Variants in COL17A1 observed in about 807,000 individuals in gnomAD.
COL17A1 encodes collagen alpha-1(XVII) chain.
Under a neutral mutation model 218.4 loss-of-function variants are expected in COL17A1, and 181 were observed. The ratio of observed to expected loss-of-function variants is 0.83; its 90% CI spans 0.73 to 0.94. The LOEUF (loss-of-function observed/expected upper bound fraction) is 0.94, where lower values mean the gene tolerates loss of function less well. Ranked by LOEUF, COL17A1 falls within the 40% of genes least tolerant of loss-of-function variation. The pLI, the probability that COL17A1 is intolerant of heterozygous loss-of-function variation, is 0.00. For synonymous variants in COL17A1, 721 were observed against 731.0 expected (o/e 0.99, Z 0.22); for missense variants, 1,924 against 1,945.9 (o/e 0.99, Z 0.21).
At chr10:104,083,137 T>C (rs2086779249) in intron 1 of COL17A1, among the ~76,000 whole-genome samples, 1 of 152,228 alleles carries the variant, frequency 6.6e-6, no homozygotes, top group African/African-American at 2.4e-5. Context: ...TGGAGAGTGA[T>C]GGCGTGGGGC....
intron 27 of COL17A1, 104 bp downstream of exon 27, chr10:104,050,517 G>C: frequency 1.9e-6 from 3 of 1,582,120 alleles, no homozygotes; most frequent in Non-Finnish European, 2.6e-6. Flanking sequence ...ATGAGATCTT[G>C]GTCCAGGTCC....
At chr10:104,078,688 G>T (rs773067487) in intron 2 of COL17A1, 102 bp from the exon 3 acceptor site, 5 of 1,495,596 alleles carry the variant, frequency 3.3e-6, no homozygotes, top group Non-Finnish European at 4.6e-6. Context: ...TATTAAATTA[G>T]GTTCGACATT....
intron 13 of COL17A1, among the ~76,000 whole-genome samples, chr10:104,060,497 G>A (rs1370772948): frequency 6.6e-6 from 1 of 152,184 alleles, no homozygotes; most frequent in Non-Finnish European, 1.5e-5. Context: ...GCCACCAAGA[G>A]TTTGGGTCAA....
chr10:104,052,349 G>T, intron 23 of COL17A1, 132 bp from the exon 24 acceptor site: 1 of 1,177,358 alleles, frequency 8.5e-7, no homozygotes, highest in South Asian at 1.3e-5. Flanking sequence ...GCCCCAGTGA[G>T]GCCACTTATC....
intron 41 of COL17A1, 36 bp downstream of exon 41, chr10:104,039,936 CT>C (rs2086341517): frequency 8.7e-6 from 14 of 1,614,138 alleles, no homozygotes; most frequent in Non-Finnish European, 9.3e-6. Context: ...ATCCCCACCC[CT>C]ACCCCAGGTT....
At chr10:104,073,150 A>C (rs2086681990) in intron 7 of COL17A1, 60 bp downstream of exon 7, 1 of 1,516,822 alleles carries the variant, frequency 6.6e-7, no homozygotes, top group East Asian at 2.3e-5. Flanking sequence ...CTGGACACAC[A>C]TTAACTTCTC....
chr10:104,062,171 G>C, intron 12 of COL17A1, 87 bp downstream of exon 12: 1 of 1,597,168 alleles, frequency 6.3e-7, no homozygotes, highest in South Asian at 1.1e-5. Context: ...GATTTTCAGG[G>C]ACATTTTGGG....
At chr10:104,034,456 T>C (rs1267443505) in intron 51 of COL17A1, 122 bp from the exon 52 acceptor site, 1 of 1,472,080 alleles carries the variant, frequency 6.8e-7, no homozygotes, top group Admixed American at 2.1e-5. Flanking sequence ...ACTTCAGGGT[T>C]CTTGTACCCG....
chr10:104,050,510 A>C (rs1018929729), intron 27 of COL17A1, 111 bp downstream of exon 27: 8 of 1,568,260 alleles, frequency 5.1e-6, no homozygotes, highest in Non-Finnish European at 6.1e-6. Flanking sequence ...GATTAGAATG[A>C]GATCTTGGTC....
intron 29 of COL17A1, among the ~76,000 whole-genome samples, chr10:104,048,982 C>T (rs576801462): frequency 6.6e-5 from 10 of 152,108 alleles, no homozygotes; most frequent in Non-Finnish European, 1.3e-4. Flanking sequence ...AATCACTGCA[C>T]CTGGCTACCT....
chr10:104,036,433 C>G (rs999440204), intron 48 of COL17A1, 59 bp downstream of exon 48: 8 of 1,609,336 alleles, frequency 5.0e-6, no homozygotes, highest in Non-Finnish European at 6.8e-6. Context: ...GTTCACGCTG[C>G]GAGTCCTCAT....
chr10:104,079,702 C>T (rs1469652532), intron 2 of COL17A1, among the ~76,000 whole-genome samples: 1 of 152,118 alleles, frequency 6.6e-6, no homozygotes, highest in African/African-American at 2.4e-5. Context: ...CCGAGGCGGG[C>T]AGATCACGAG....
rs140900076 is a variant in COL17A1, at chr10:104,085,065, G to A, written c.-12+658C>T. Among the ~76,000 whole-genome samples, 39 of 152,276 alleles carry A rather than the reference G, an allele frequency of 2.6e-4. No homozygotes were observed. The East Asian group carries it at 6.0e-3, about 23-fold the overall frequency. ...GGCAGGAGGAAACCCAAGTTGACTC[G>A]TAAGAGTATATATACGGGAAACAAT... is the stretch of plus-strand genomic sequence containing the variant. On this transcript the variant is annotated intron_variant, in intron 1 of 55. Coordinates refer to ENST00000648076, the MANE Select transcript of COL17A1 (RefSeq NM_000494.4).
At chr10:104,061,719 G>T (rs919482785) in intron 12 of COL17A1, among the ~76,000 whole-genome samples, 1 of 152,144 alleles carries the variant, frequency 6.6e-6, no homozygotes, top group African/African-American at 2.4e-5. Context: ...CTTCTCTCCT[G>T]AACTCCTACA....
rs1445889157 is a variant in COL17A1 at position 104,033,323 on chromosome 10, C to G, written c.4209G>C (p.Gln1403His). The stretch of plus-strand genomic sequence containing the variant: ...TGCCGGGTGGCCCCTGTGGCCCAGG[C>G]TGGCCTGGTGGGCCCTGGACAGTGT... ...MAYTVQGPPG[Q>H]PGPQGPPGIS... Residue 1403 changes from glutamine (Q) to histidine (H), a missense_variant, in exon 53 of 56, where the codon CAG becomes CAC. Coordinates refer to ENST00000648076, the MANE Select transcript of COL17A1 (RefSeq NM_000494.4). The G allele has an allele frequency of 6.2e-7, 1 of 1,608,658 alleles. No homozygotes were observed. The highest frequency in any genetic ancestry group is 8.5e-7 in the Non-Finnish European group (1 of 1,177,656).
rs775766713 is a variant in COL17A1 at position 104,043,561 on chromosome 10, C to G, written c.2455G>C (p.Val819Leu). The G allele has an allele frequency of 6.2e-7, 1 of 1,614,002 alleles. No homozygotes were observed. Among genetic ancestry groups the G allele is most frequent in the African/African-American group, 1.3e-5 (1 of 75,010 alleles). The change falls in exon 35 of 56, where the codon GTC becomes CTC. Residue 819 changes from valine to leucine, a missense_variant. Transcript: ENST00000648076. The stretch of plus-strand genomic sequence containing the variant: ...CCAGGAGGTCCTGGGGGGCCTGGGA[C>G]AGTGAGCATCGATGACCCCTCTGAA... ...VTSEGSSMLT[V>L]PGPPGPPGAM...
At position 104,036,678 on chromosome 10, in the gene COL17A1, G is replaced by A. The variant is rs771602559; in HGVS notation, c.3278-46C>T. 11 of 1,608,098 alleles carry A rather than the reference G, an allele frequency of 6.8e-6. No homozygotes were observed. In the Admixed American group the frequency reaches 1.2e-4, roughly 17 times the overall value. On this transcript the variant is annotated intron_variant, in intron 47 of 55. Coordinates refer to ENST00000648076, the MANE Select transcript of COL17A1 (RefSeq NM_000494.4). ...TAGCAGGACCCACCCAGGCCATGGG[G>A]GTCGCAGCCATGATCCAGCCACAGC...
intron 22 of COL17A1, 49 bp downstream of exon 22, chr10:104,053,871 T>C: frequency 1.8e-6 from 2 of 1,084,094 alleles, no homozygotes; most frequent in Non-Finnish European, 2.8e-6. Flanking sequence ...GTTTATTAAA[T>C]GAATGAAAGA....
At position 104,049,423 on chromosome 10, in the gene COL17A1, G is replaced by T. The variant is rs2086445672; in HGVS notation, c.2213C>A (p.Ala738Asp). The change falls in exon 29 of 56, where the codon GCT becomes GAT. Residue 738 changes from alanine to aspartate, a missense_variant. Transcript: ENST00000648076. Reference protein sequence around the residue: ...GLPGAVGEPGAKGAMGPAGPD... With the variant: ...GLPGAVGEPGDKGAMGPAGPD... ...GGAACACTTACCCATTGCTCCTTTA[G>T]CCCCGGGCTCACCAACAGCACCAGG... The T allele has an allele frequency of 1.9e-6, 3 of 1,614,146 alleles. No homozygotes were observed. The highest frequency in any genetic ancestry group is 2.5e-6 in the Non-Finnish European group (3 of 1,179,992).
Sources: gnomAD v4.1 joint callset for allele counts (sites outside exome capture counted in the v4.1 genomes callset) on GRCh38, gnomAD v4.1.1 for gene constraint, MANE v1.5 for transcripts, NCBI Gene and HGNC (gene_info 2026-07-23, HGNC 2026-07-21) for gene names.